Variants in MEI4 observed in about 807,000 individuals in gnomAD.
The protein encoded by MEI4 is meiosis-specific protein MEI4.
MEI4 carries 27 observed loss-of-function variants against 31.4 expected under a neutral mutation model. The ratio of observed to expected loss-of-function variants is 0.86; its 90% CI spans 0.63 to 1.19. The LOEUF is 1.19. MEI4 is among the 50% of genes most tolerant of loss of function. The pLI is 0.00. For synonymous variants in MEI4, 122 were observed against 145.4 expected, an observed-to-expected ratio of 0.84 and a Z score of 1.16; for missense variants, 329 against 398.9, an observed-to-expected ratio of 0.82 and a Z score of 1.49.
At chr6:77,876,349 TATC>T (rs1333089314) in intron 4 of MEI4, among the ~76,000 whole-genome samples, 1 of 152,160 alleles carries the variant, frequency 6.6e-6, no homozygotes, top group Non-Finnish European at 1.5e-5. Context: ...ATAGGTTAAT[TATC>T]ATAGGAGTGA....
upstream of MEI4, among the ~76,000 whole-genome samples, chr6:77,651,305 T>G (rs1768294060): frequency 6.6e-6 from 1 of 152,130 alleles, no homozygotes; most frequent in Non-Finnish European, 1.5e-5. Context: ...TATATCTAGA[T>G]TGTTTGAAGA....
intron 4 of MEI4, among the ~76,000 whole-genome samples, chr6:77,892,816 A>G (rs967549455): frequency 3.9e-4 from 59 of 152,118 alleles, no homozygotes; most frequent in Admixed American, 3.5e-3. Context: ...CCCAAACAGT[A>G]TATAGTTTGG....
chr6:77,666,056 G>A (rs1316786953), intron 1 of MEI4, among the ~76,000 whole-genome samples: 1 of 152,198 alleles, frequency 6.6e-6, no homozygotes, highest in Non-Finnish European at 1.5e-5. Flanking sequence ...CAATAAAGCT[G>A]TTTATTTCAC....
At chr6:77,694,766 G>C (rs1283815391) in intron 2 of MEI4, among the ~76,000 whole-genome samples, 1 of 151,850 alleles carries the variant, frequency 6.6e-6, no homozygotes, top group East Asian at 1.9e-4. Context: ...ATAATCCTTT[G>C]GGTATATACC....
chr6:77,743,798 A>G (rs776907244), intron 2 of MEI4, among the ~76,000 whole-genome samples: 5 of 152,214 alleles, frequency 3.3e-5, no homozygotes, highest in African/African-American at 9.6e-5. Flanking sequence ...AGACAGCAGC[A>G]TTCGTGGTTC....
intron 2 of MEI4, among the ~76,000 whole-genome samples, chr6:77,749,322 A>T (rs1218057386): frequency 6.6e-6 from 1 of 152,148 alleles, no homozygotes; most frequent in Non-Finnish European, 1.5e-5. Context: ...AACTCCTCCA[A>T]GCTAAAGGAG....
intron 4 of MEI4, among the ~76,000 whole-genome samples, chr6:77,839,583 T>C (rs192704993): frequency 2.2e-3 from 338 of 152,108 alleles, no homozygotes; most frequent in African/African-American, 7.4e-3. Flanking sequence ...CCAGGCAAAC[T>C]CCCAAGTGGT....
At chr6:77,746,168 C>T (rs959611888) in intron 2 of MEI4, among the ~76,000 whole-genome samples, 3 of 152,102 alleles carry the variant, frequency 2.0e-5, no homozygotes, top group African/African-American at 7.2e-5. Context: ...TTCAAAAAAA[C>T]TACTGAATCC....
intron 3 of MEI4, among the ~76,000 whole-genome samples, chr6:77,792,321 G>A (rs536306928): frequency 1.0e-3 from 154 of 152,194 alleles, no homozygotes; most frequent in Admixed American, 1.6e-3. Context: ...CCCAGGTGTG[G>A]GATGTCTGGA....
At chr6:77,869,239 A>T (rs1306216735) in intron 4 of MEI4, among the ~76,000 whole-genome samples, 3 of 152,140 alleles carry the variant, frequency 2.0e-5, no homozygotes, top group Non-Finnish European at 4.4e-5. Context: ...CAGTAGGGAG[A>T]GGGAATGTTA....
chr6:77,821,197 T>C (rs561575600), intron 3 of MEI4, among the ~76,000 whole-genome samples: 1 of 152,292 alleles, frequency 6.6e-6, no homozygotes, highest in Admixed American at 6.5e-5. Flanking sequence ...TTATTCTATA[T>C]TCCGTATCAG....
intron 4 of MEI4, among the ~76,000 whole-genome samples, chr6:77,890,364 A>G (rs1771729974): frequency 6.6e-6 from 1 of 152,180 alleles, no homozygotes; most frequent in South Asian, 2.1e-4. Flanking sequence ...TTGAAACTTT[A>G]ATGACTGATG....
intron 4 of MEI4, among the ~76,000 whole-genome samples, chr6:77,903,706 C>T (rs1766232226): frequency 1.3e-5 from 2 of 152,172 alleles, no homozygotes; most frequent in Non-Finnish European, 1.5e-5. Flanking sequence ...GGAGGTACAT[C>T]CCTTCTATCT....
intron 4 of MEI4, among the ~76,000 whole-genome samples, chr6:77,884,207 T>C (rs1405857441): frequency 6.6e-6 from 1 of 152,154 alleles, no homozygotes; most frequent in Non-Finnish European, 1.5e-5. Flanking sequence ...AGATTATTTG[T>C]TTTTGGTGTT....
At chr6:77,874,672 C>T (rs1298778899) in intron 4 of MEI4, among the ~76,000 whole-genome samples, 6 of 152,076 alleles carry the variant, frequency 3.9e-5, no homozygotes, top group Admixed American at 3.9e-4. Context: ...GAGGGCATCC[C>T]TGTCTTGTGC....
At chr6:77,915,283 T>C (rs577990895) in intron 4 of MEI4, among the ~76,000 whole-genome samples, 2 of 152,232 alleles carry the variant, frequency 1.3e-5, no homozygotes, top group South Asian at 4.1e-4. Context: ...ATTTCACTTC[T>C]GGTTGTAGGA....
At chr6:77,879,749 T>A (rs1771433037) in intron 4 of MEI4, among the ~76,000 whole-genome samples, 1 of 152,182 alleles carries the variant, frequency 6.6e-6, no homozygotes, top group African/African-American at 2.4e-5. Flanking sequence ...AAGGAGAACA[T>A]GCCATGTTAG....
chr6:77,690,705 A>G lies in MEI4; in HGVS notation c.34A>G (p.Lys12Glu). The G allele has an allele frequency of 8.1e-7, 1 of 1,231,490 alleles. No individual in the cohort carries two copies. Among genetic ancestry groups the G allele is most frequent in the South Asian group, 4.1e-5 (1 of 24,316 alleles). The allele number at this position is 1,231,490 out of a possible 1,614,324, so 76.3% of individuals were successfully genotyped here. A position where few individuals can be genotyped will look rare whatever the true frequency, so the allele number is the denominator to read the frequency against. The change falls in exon 2 of 5, where the codon AAG becomes GAG. Residue 12 changes from lysine (K) to glutamate (E), a missense_variant. Lys to Glu is a moderately conservative substitution (Grantham distance 56). Transcript: ENST00000684080. Reference protein sequence around the residue: ...DVQKWYLRTSKLALALAIIRS... With the variant: ...DVQKWYLRTSELALALAIIRS... ...TCAAAAATGGTATTTGAGAACTTCA[A>G]AGCTGGCTCTGGCCTTGGCAATTAT... is the stretch of plus-strand genomic sequence containing the variant.
chr6:77,743,186 C>A (rs1366270404), intron 2 of MEI4, among the ~76,000 whole-genome samples: 6 of 152,188 alleles, frequency 3.9e-5, no homozygotes, highest in Non-Finnish European at 7.3e-5. Flanking sequence ...ATGGGGATAG[C>A]ATTGAATCTA....
Sources: gnomAD v4.1 joint callset for allele counts (sites outside exome capture counted in the v4.1 genomes callset) on GRCh38, gnomAD v4.1.1 for gene constraint, MANE v1.5 for transcripts, NCBI Gene and HGNC (gene_info 2026-07-23, HGNC 2026-07-21) for gene names.